Variants in LRRIQ3 observed in about 807,000 individuals in gnomAD.
LRRIQ3 encodes leucine rich repeats and IQ motif containing 3.
Under a neutral mutation model 59.3 loss-of-function variants are expected in LRRIQ3, and 75 were observed. The ratio of observed to expected loss-of-function variants is 1.26; its 90% CI spans 1.05 to 1.53. The LOEUF (loss-of-function observed/expected upper bound fraction) is 1.53, where lower values mean the gene tolerates loss of function less well. Among genes scored for constraint, LRRIQ3 ranks in the 40% most tolerant of loss-of-function variants. The pLI, the probability that LRRIQ3 is intolerant of heterozygous loss-of-function variation, is 0.00. For synonymous variants in LRRIQ3, 250 were observed against 231.3 expected (o/e 1.08, Z -0.73); for missense variants, 831 against 710.0 (o/e 1.17, Z -1.94).
intron 1 of LRRIQ3, among the ~76,000 whole-genome samples, chr1:74,188,889 A>G (rs1205925661): frequency 2.0e-5 from 3 of 152,136 alleles, no homozygotes; most frequent in Non-Finnish European, 4.4e-5. Flanking sequence ...TTAATTCTCC[A>G]CAGCCAATAA....
At chr1:74,048,853 T>C (rs1654280684) in intron 6 of LRRIQ3, among the ~76,000 whole-genome samples, 1 of 152,102 alleles carries the variant, frequency 6.6e-6, no homozygotes, top group African/African-American at 2.4e-5. Context: ...CTAAACAAAA[T>C]ACATGAGGTA....
chr1:74,079,763 T>C (rs1413571772), intron 5 of LRRIQ3, among the ~76,000 whole-genome samples: 1 of 151,846 alleles, frequency 6.6e-6, no homozygotes, highest in Non-Finnish European at 1.5e-5. Flanking sequence ...AGTGGAGATT[T>C]AGAAACTTCA....
intron 4 of LRRIQ3, among the ~76,000 whole-genome samples, chr1:74,120,942 T>C (rs888693199): frequency 2.0e-5 from 3 of 152,184 alleles, no homozygotes; most frequent in Non-Finnish European, 1.5e-5. Flanking sequence ...ACATTATGAT[T>C]GATTAACATT....
intron 5 of LRRIQ3, among the ~76,000 whole-genome samples, chr1:74,107,196 G>T (rs75785148): frequency 6.6e-6 from 1 of 151,970 alleles, no homozygotes; most frequent in Non-Finnish European, 1.5e-5. Flanking sequence ...AGTCAAGCAC[G>T]TTTTATTCCC....
chr1:74,085,901 C>T (rs1646323117), intron 5 of LRRIQ3, among the ~76,000 whole-genome samples: 1 of 151,990 alleles, frequency 6.6e-6, no homozygotes, highest in South Asian at 2.1e-4. Context: ...ACACACAATT[C>T]TAATAATGGA....
intron 1 of LRRIQ3, among the ~76,000 whole-genome samples, chr1:74,193,445 TCA>T (rs760305491): frequency 3.3e-5 from 5 of 152,132 alleles, no homozygotes; most frequent in Non-Finnish European, 7.4e-5. Context: ...AAAATGCACA[TCA>T]GTTATATCTC....
intron 6 of LRRIQ3, among the ~76,000 whole-genome samples, chr1:74,061,216 A>T (rs1654712807): frequency 6.6e-6 from 1 of 152,184 alleles, no homozygotes; most frequent in Non-Finnish European, 1.5e-5. Context: ...CTAGGAATAC[A>T]GCTAACTGGG....
At chr1:74,176,115 A>G (rs992694156) in intron 3 of LRRIQ3, among the ~76,000 whole-genome samples, 1 of 152,160 alleles carries the variant, frequency 6.6e-6, no homozygotes, top group Non-Finnish European at 1.5e-5. Flanking sequence ...TTCTATGTAG[A>G]GCGCTTCCTT....
chr1:74,085,786 C>T (rs995348849), intron 5 of LRRIQ3, among the ~76,000 whole-genome samples: 5 of 151,948 alleles, frequency 3.3e-5, no homozygotes, highest in Non-Finnish European at 4.4e-5. Context: ...CAGAGAAGGA[C>T]ATATAGTGAT....
intron 3 of LRRIQ3, among the ~76,000 whole-genome samples, chr1:74,177,077 A>G (rs1385295614): frequency 3.3e-5 from 5 of 152,148 alleles, no homozygotes; most frequent in African/African-American, 1.2e-4. Flanking sequence ...ATTTAGATAG[A>G]GAGAGCAGGC....
intron 4 of LRRIQ3, among the ~76,000 whole-genome samples, chr1:74,143,664 T>C (rs1003009530): frequency 1.3e-5 from 2 of 151,674 alleles, no homozygotes; most frequent in African/African-American, 2.4e-5. Context: ...ATAATCATTG[T>C]TGAACACACT....
intron 6 of LRRIQ3, among the ~76,000 whole-genome samples, chr1:74,047,162 G>T (rs939858651): frequency 6.6e-6 from 1 of 152,070 alleles, no homozygotes; most frequent in Non-Finnish European, 1.5e-5. Context: ...TTGTGGCACT[G>T]TTCACTATAG....
At chr1:74,104,511 C>T (rs185505475) in intron 5 of LRRIQ3, among the ~76,000 whole-genome samples, 1 of 151,966 alleles carries the variant, frequency 6.6e-6, no homozygotes, top group East Asian at 1.9e-4. Context: ...AATGTGTGCT[C>T]AAAGCCACAT....
intron 5 of LRRIQ3, among the ~76,000 whole-genome samples, chr1:74,101,314 A>T (rs923952673): frequency 3.3e-5 from 5 of 152,232 alleles, no homozygotes; most frequent in African/African-American, 1.2e-4. Context: ...AAAAATGCTC[A>T]TCATCACTGG....
chr1:74,102,020 G>T (rs150142259), intron 5 of LRRIQ3, among the ~76,000 whole-genome samples: 1 of 150,814 alleles, frequency 6.6e-6, no homozygotes, highest in Non-Finnish European at 1.5e-5. Flanking sequence ...TAACAAACCT[G>T]CACGTTGTGC....
At chr1:74,146,877 G>C (rs1013653525) in intron 4 of LRRIQ3, among the ~76,000 whole-genome samples, 34 of 152,166 alleles carry the variant, frequency 2.2e-4, no homozygotes, top group African/African-American at 7.5e-4. Context: ...TAGGATAGTT[G>C]ATTAGACCTA....
Position 74,074,649 on chromosome 1 carries a change from C to A in LRRIQ3, c.997+12G>T. On this transcript the variant is annotated intron_variant, in intron 6 of 7. Coordinates refer to ENST00000354431, the MANE Select transcript of LRRIQ3 (RefSeq NM_001105659.2). ...TATTTATTAAATATAATTAAAAATT[C>A]ATATAACTAACCTTTTTGAATGAGA... 8.1e-7 allele frequency: 1 copy of A among 1,237,750 alleles called. No individual in the cohort carries two copies. Among genetic ancestry groups the A allele is most frequent in the South Asian group, 2.2e-5 (1 of 45,396 alleles). 76.7% of individuals were successfully genotyped at this position (1,237,750 alleles called of 1,614,324 possible).
chr1:74,112,462 G>A (rs530060075), intron 4 of LRRIQ3, among the ~76,000 whole-genome samples: 2 of 152,270 alleles, frequency 1.3e-5, no homozygotes, highest in East Asian at 3.9e-4. Context: ...ATCGGGATTA[G>A]AGCAAACAGC....
chr1:74,032,007 A>G (rs891244175), intron 7 of LRRIQ3, among the ~76,000 whole-genome samples: 13 of 151,966 alleles, frequency 8.6e-5, no homozygotes, highest in South Asian at 2.1e-4. Context: ...GGGGAGTTAT[A>G]TCATCTCAGA....
Sources: gnomAD v4.1 joint callset for allele counts (sites outside exome capture counted in the v4.1 genomes callset) on GRCh38, gnomAD v4.1.1 for gene constraint, MANE v1.5 for transcripts, NCBI Gene and HGNC (gene_info 2026-07-23, HGNC 2026-07-21) for gene names.